GSAP: variants seen among roughly 807,000 people sequenced by gnomAD.
GSAP encodes the protein gamma-secretase-activating protein.
Under a neutral mutation model 131.7 loss-of-function variants are expected in GSAP, and 118 were observed. The ratio of observed to expected loss-of-function variants is 0.90; its 90% confidence interval spans 0.77 to 1.04. GSAP has a LOEUF of 1.04. GSAP is among the 50% of genes least tolerant of loss of function. The pLI is 0.00. For synonymous variants in GSAP, 381 were observed against 363.4 expected (o/e 1.05, Z -0.55); for missense variants, 1,019 against 1,013.2 (o/e 1.01, Z -0.08).
chr7:77,329,565 A>C (rs903814631), intron 20 of GSAP, 174 bp from the exon 21 acceptor site: 2 of 397,848 alleles, frequency 5.0e-6, no homozygotes, highest in East Asian at 8.3e-5. Context: ...ATTCTGAAAC[A>C]ATTACAGATT....
chr7:77,323,815 A>G, intron 23 of GSAP, 73 bp from the exon 24 acceptor site: 1 of 615,690 alleles, frequency 1.6e-6, no homozygotes, highest in Non-Finnish European at 2.9e-6. Context: ...AATTAGATCC[A>G]CTTATTAACA....
chr7:77,339,060 C>A (rs768223958), intron 19 of GSAP, among the ~76,000 whole-genome samples: 1 of 152,074 alleles, frequency 6.6e-6, no homozygotes, highest in South Asian at 2.1e-4. Flanking sequence ...CACACTCTTA[C>A]GTAATTTGTG....
At chr7:77,350,340 G>A (rs1792648079) in intron 18 of GSAP, among the ~76,000 whole-genome samples, 1 of 148,824 alleles carries the variant, frequency 6.7e-6, no homozygotes, top group Admixed American at 6.7e-5. Flanking sequence ...GAGTTAATGG[G>A]TGCAGCACAC....
rs554884083 is a variant in GSAP at position 77,329,627 on chromosome 7, A to G, written c.1675-236T>C. The G allele has an allele frequency of 4.8e-4, 132 of 276,718 alleles. 1 individual carries two copies. Among genetic ancestry groups the G allele is most frequent in the African/African-American group, 2.8e-3 (125 of 45,408 alleles). The allele number at this position is 276,718 out of a possible 1,614,324, so 17.1% of individuals were successfully genotyped here. A position where few individuals can be genotyped will look rare whatever the true frequency, so the allele number is the denominator to read the frequency against. ...ACTACACACAACAACACTAATCTAC[A>G]TGCAGCGATACTAGAGAGAGATGCA... On this transcript the variant is annotated intron_variant, in intron 20 of 30. Coordinates refer to ENST00000257626, the MANE Select transcript of GSAP (RefSeq NM_017439.4).
chr7:77,407,167 A>T (rs1415296093), intron 1 of GSAP, among the ~76,000 whole-genome samples: 2 of 152,208 alleles, frequency 1.3e-5, no homozygotes, highest in Admixed American at 6.5e-5. Context: ...GGTCTGAAAA[A>T]TTACACATAA....
intron 12 of GSAP, among the ~76,000 whole-genome samples, chr7:77,367,205 C>T (rs1248118568): frequency 6.6e-6 from 1 of 151,876 alleles, no homozygotes; most frequent in Non-Finnish European, 1.5e-5. Flanking sequence ...ATTTGGGATG[C>T]TCTCTTGCCT....
At chr7:77,366,602 G>C (rs537263940) in intron 12 of GSAP, among the ~76,000 whole-genome samples, 1 of 152,210 alleles carries the variant, frequency 6.6e-6, no homozygotes, top group South Asian at 2.1e-4. Context: ...GCCTGTTTTG[G>C]TAACAGTACC....
intron 5 of GSAP, among the ~76,000 whole-genome samples, chr7:77,391,782 C>A (rs996356461): frequency 6.6e-6 from 1 of 152,114 alleles, no homozygotes; most frequent in African/African-American, 2.4e-5. Flanking sequence ...CTATAGTGAG[C>A]CATAAGAATG....
intron 5 of GSAP, among the ~76,000 whole-genome samples, chr7:77,391,125 C>CAAAAAAAAAAAAAAA (rs3083869): frequency 2.3e-4 from 15 of 65,102 alleles, no homozygotes; most frequent in East Asian, 1.3e-3. Context: ...GGCTCCGTCT[C>CAAAAAAAAAAAAAAA]AAAAAAAAAA....
chr7:77,416,497 C>T (rs1804497900), upstream of GSAP: 2 of 410,866 alleles, frequency 4.9e-6, no homozygotes, highest in Non-Finnish European at 8.6e-6. Context: ...CAGCTCCTCC[C>T]GGCCGGCGGC....
At chr7:77,371,082 C>G (rs1023377042) in intron 12 of GSAP, among the ~76,000 whole-genome samples, 1 of 152,012 alleles carries the variant, frequency 6.6e-6, no homozygotes, top group African/African-American at 2.4e-5. Flanking sequence ...CTAAAAACTT[C>G]CAGATTTATT....
intron 26 of GSAP, 56 bp from the exon 27 acceptor site, chr7:77,314,545 C>T (rs1245451184): frequency 4.7e-5 from 76 of 1,602,440 alleles, no homozygotes; most frequent in South Asian, 1.7e-4. Flanking sequence ...CAGCAGCCCC[C>T]GGGGAATGGA....
At chr7:77,352,642 C>A (rs1359018403) in intron 18 of GSAP, among the ~76,000 whole-genome samples, 1 of 152,158 alleles carries the variant, frequency 6.6e-6, no homozygotes, top group Non-Finnish European at 1.5e-5. Context: ...ATATTTTAAT[C>A]CACTCTAGTC....
chr7:77,327,225 G>C (rs1454610032), intron 22 of GSAP: 5 of 152,232 alleles, frequency 3.3e-5, no homozygotes, highest in African/African-American at 9.6e-5. Context: ...AAGATAGACT[G>C]ACTAGTAACA....
At chr7:77,368,587 A>G (rs1018975780) in intron 12 of GSAP, among the ~76,000 whole-genome samples, 1 of 152,218 alleles carries the variant, frequency 6.6e-6, no homozygotes, top group Non-Finnish European at 1.5e-5. Flanking sequence ...AAAGCTCACT[A>G]AATGATTCTA....
chr7:77,357,981 A>C (rs1018228594), intron 14 of GSAP, among the ~76,000 whole-genome samples: 1 of 152,254 alleles, frequency 6.6e-6, no homozygotes, highest in African/African-American at 2.4e-5. Flanking sequence ...GTATCAAAAC[A>C]CCACATTGTA....
intron 5 of GSAP, among the ~76,000 whole-genome samples, chr7:77,395,592 GA>G (rs894592614): frequency 4.6e-5 from 7 of 152,120 alleles, no homozygotes; most frequent in Non-Finnish European, 8.8e-5. Flanking sequence ...ATGGCAGGGG[GA>G]GGGTAAGGAT....
chr7:77,381,391 A>G, intron 7 of GSAP, 37 bp from the exon 8 acceptor site: 1 of 1,133,252 alleles, frequency 8.8e-7, no homozygotes. Context: ...ATTTAACCTT[A>G]AGGAAATATA....
intron 18 of GSAP, among the ~76,000 whole-genome samples, 180 bp from the exon 19 acceptor site, chr7:77,349,584 C>T (rs1334107078): frequency 1.3e-5 from 2 of 152,094 alleles, no homozygotes; most frequent in Non-Finnish European, 2.9e-5. Flanking sequence ...TCTCTTGCCT[C>T]AGGAAAGGAC....
Sources: allele counts gnomAD v4.1 joint callset (sites outside exome capture counted in the v4.1 genomes callset), GRCh38; gene constraint gnomAD v4.1.1; transcripts MANE v1.5; gene names NCBI Gene and HGNC (gene_info 2026-07-23, HGNC 2026-07-21).